The following DTNA variants were observed in gnomAD, a reference collection of about 807,000 sequenced individuals.
DTNA encodes the protein dystrophin-related protein 3.
DTNA carries 43 observed loss-of-function variants against 100.7 expected under a neutral mutation model. The ratio of observed to expected loss-of-function variants is 0.43; its 90% CI spans 0.33 to 0.55. The LOEUF (loss-of-function observed/expected upper bound fraction) is 0.55, where lower values mean the gene tolerates loss of function less well. Ranked by LOEUF, DTNA falls within the 20% of genes least tolerant of loss-of-function variation. The probability of loss-of-function intolerance (pLI) is 0.04; values close to 1 mark genes in which losing one functional copy is unlikely to be tolerated. For synonymous variants in DTNA, 349 were observed against 347.9 expected, an observed-to-expected ratio of 1.00 and a Z score of -0.04; for missense variants, 798 against 953.9, an observed-to-expected ratio of 0.84 and a Z score of 2.15.
At chr18:34,581,069 C>T (rs1478972082) in intron 1 of DTNA, among the ~76,000 whole-genome samples, 1 of 151,578 alleles carries the variant, frequency 6.6e-6, no homozygotes, top group Non-Finnish European at 1.5e-5. Flanking sequence ...CACGGTGAAA[C>T]CCTGTCTCTA....
chr18:34,520,782 T>C (rs2042080423), intron 1 of DTNA, among the ~76,000 whole-genome samples: 1 of 152,178 alleles, frequency 6.6e-6, no homozygotes. Context: ...GCCATTTCCT[T>C]CCTAGGTAAC....
chr18:34,690,449 C>T lies in DTNA; in HGVS notation c.-1-65527C>T, dbSNP rs1360117715. ...ATGCCCCACCCTGCTTCGGCTGGCC[C>T]TCTGTGGGCTATACCCACTGTCTAA... On this transcript the variant is annotated intron_variant, in intron 1 of 19. Transcript: ENST00000283365. 3.3e-5 allele frequency among the ~76,000 whole-genome samples: 5 copies of T among 152,194 alleles called. No homozygotes were observed. In the East Asian group the frequency reaches 7.7e-4, roughly 23 times the overall value.
At chr18:34,854,654 G>A (rs2096531575) in intron 15 of DTNA, among the ~76,000 whole-genome samples, 3 of 152,160 alleles carry the variant, frequency 2.0e-5, no homozygotes, top group Admixed American at 1.3e-4. Flanking sequence ...CTTTCTACCA[G>A]ACATCATTCC....
intron 1 of DTNA, among the ~76,000 whole-genome samples, chr18:34,622,289 A>C (rs892740116): frequency 7.2e-5 from 11 of 152,188 alleles, no homozygotes; most frequent in Non-Finnish European, 4.4e-5. Flanking sequence ...CTAGTAAAGT[A>C]GGGAGGTGGA....
At chr18:34,879,143 T>C (rs9304141) in intron 19 of DTNA, among the ~76,000 whole-genome samples, 25,703 of 152,182 alleles carry the variant, frequency 0.17, 2,265 homozygotes, top group South Asian at 0.18. Flanking sequence ...CACTTAATAT[T>C]TTAAGTTCAT....
chr18:34,579,385 TA>T (rs2048407204), intron 1 of DTNA, among the ~76,000 whole-genome samples: 1 of 152,222 alleles, frequency 6.6e-6, no homozygotes, highest in Admixed American at 6.5e-5. Flanking sequence ...TTTAGTCATT[TA>T]TCCACTCTAA....
intron 16 of DTNA, 106 bp downstream of exon 16, chr18:34,858,504 T>A (rs552318100): frequency 8.9e-7 from 1 of 1,126,912 alleles, no homozygotes; most frequent in East Asian, 2.5e-5. Context: ...CCTTAGCTGC[T>A]GACATTTGTT....
intron 20 of DTNA, 68 bp downstream of exon 20, chr18:34,879,787 A>T (rs889921163): frequency 2.5e-6 from 4 of 1,591,362 alleles, no homozygotes; most frequent in Admixed American, 3.5e-5. Context: ...ATAAGAAAGT[A>T]AAAGCATAAT....
intron 18 of DTNA, among the ~76,000 whole-genome samples, chr18:34,877,024 G>A (rs1174392605): frequency 1.3e-5 from 2 of 152,036 alleles, no homozygotes; most frequent in African/African-American, 4.8e-5. Flanking sequence ...CCCTTAGTGT[G>A]CCTGAAACAA....
chr18:34,622,132 A>C (rs1469955321), intron 1 of DTNA, among the ~76,000 whole-genome samples: 1 of 152,180 alleles, frequency 6.6e-6, no homozygotes, highest in Non-Finnish European at 1.5e-5. Flanking sequence ...AAGAGAGTAA[A>C]TCTTAAATGT....
At position 34,890,273 on chromosome 18, in the gene DTNA, T is replaced by G. The variant is rs2096958361; in HGVS notation, c.*2539T>G. 2.6e-6 allele frequency: 4 copies of G among 1,527,818 alleles called. No homozygotes were observed. Among genetic ancestry groups the G allele is most frequent in the Non-Finnish European group, 3.5e-6 (4 of 1,141,602 alleles). The allele number at this position is 1,527,818 out of a possible 1,614,324, so 94.6% of individuals were successfully genotyped here. On this transcript the variant is annotated 3_prime_UTR_variant, in exon 23 of 23. Coordinates refer to ENST00000444659, the MANE Select transcript of DTNA (RefSeq NM_001386795.1). ...CTGCCGCCAATGACCAATTTCTGAC[T>G]AACCAGCCACCTTTTCTCTCTCTTA...
At chr18:34,710,163 T>C (rs2082628829), upstream of DTNA, 1 of 152,156 alleles carries the variant, frequency 6.6e-6, no homozygotes, top group Non-Finnish European at 1.5e-5. Context: ...AAAATCTGAC[T>C]TTGTCAGGGT....
At chr18:34,882,260 G>C in intron 21 of DTNA, 59 bp downstream of exon 21, 1 of 1,599,682 alleles carries the variant, frequency 6.3e-7, no homozygotes, top group African/African-American at 1.3e-5. Flanking sequence ...TTGGTAGCTG[G>C]GTCTTTGACA....
intron 1 of DTNA, among the ~76,000 whole-genome samples, chr18:34,666,841 G>A (rs2076004708): frequency 1.3e-5 from 2 of 152,190 alleles, no homozygotes; most frequent in Non-Finnish European, 2.9e-5. Flanking sequence ...GGTATAGTGT[G>A]AAGTCAGGTA....
intron 1 of DTNA, among the ~76,000 whole-genome samples, chr18:34,662,068 C>T (rs181281223): frequency 5.3e-5 from 8 of 151,652 alleles, no homozygotes; most frequent in African/African-American, 1.7e-4. Context: ...TTTCTAACAC[C>T]GAGATTAAAT....
At chr18:34,853,993 A>T (rs1173518075) in intron 15 of DTNA, among the ~76,000 whole-genome samples, 1 of 152,214 alleles carries the variant, frequency 6.6e-6, no homozygotes, top group Non-Finnish European at 1.5e-5. Context: ...TAGTTGGGGG[A>T]TGCAAGTAAA....
At chr18:34,535,734 A>G (rs1351891160) in intron 1 of DTNA, among the ~76,000 whole-genome samples, 1 of 152,066 alleles carries the variant, frequency 6.6e-6, no homozygotes, top group East Asian at 1.9e-4. Context: ...TCCCAGCACC[A>G]TTTATTAAAT....
chr18:34,603,787 T>C (rs2052448438), intron 1 of DTNA, among the ~76,000 whole-genome samples: 1 of 152,316 alleles, frequency 6.6e-6, no homozygotes, highest in African/African-American at 2.4e-5. Context: ...ATTAGACTTA[T>C]TATTTCTTTA....
chr18:34,823,071 A>AT (rs1425098590), intron 9 of DTNA, among the ~76,000 whole-genome samples: 1 of 152,090 alleles, frequency 6.6e-6, no homozygotes, highest in Non-Finnish European at 1.5e-5. Context: ...AGCCATAGAA[A>AT]TTTTTTCCAT....
Sources: gnomAD v4.1 joint callset for allele counts (sites outside exome capture counted in the v4.1 genomes callset) on GRCh38, gnomAD v4.1.1 for gene constraint, MANE v1.5 for transcripts, NCBI Gene and HGNC (gene_info 2026-07-23, HGNC 2026-07-21) for gene names.